Variants in CDH12 observed in about 807,000 individuals in gnomAD.
CDH12 encodes cadherin-12.
In CDH12, 41 loss-of-function variants were observed where a neutral mutation model predicts 74.1. The observed-to-expected ratio is 0.55, with a 90% confidence interval of 0.43 to 0.72. The LOEUF is 0.72. Ranked by LOEUF, CDH12 falls within the 30% of genes least tolerant of loss-of-function variation. CDH12 has a pLI of 0.00. For missense variants in CDH12, 945 were observed against 977.2 expected (o/e 0.97, Z 0.44); for synonymous variants, 399 against 355.0 (o/e 1.12, Z -1.39).
At chr5:22,793,190 G>A (rs775441465) in intron 1 of CDH12, among the ~76,000 whole-genome samples, 4 of 152,146 alleles carry the variant, frequency 2.6e-5, no homozygotes, top group Non-Finnish European at 5.9e-5. Flanking sequence ...TCCAACACAC[G>A]CTATTCCTAA....
At chr5:22,056,547 G>A (rs1260913080) in intron 5 of CDH12, among the ~76,000 whole-genome samples, 2 of 152,126 alleles carry the variant, frequency 1.3e-5, no homozygotes, top group African/African-American at 2.4e-5. Flanking sequence ...CTATGTCTTC[G>A]TTGAACATAG....
chr5:22,089,415 C>T (rs912901741), intron 4 of CDH12, among the ~76,000 whole-genome samples: 1 of 151,684 alleles, frequency 6.6e-6, no homozygotes, highest in East Asian at 1.9e-4. Flanking sequence ...ACTTGGCAAG[C>T]AAAAATGTCA....
intron 1 of CDH12, among the ~76,000 whole-genome samples, chr5:22,822,098 C>G (rs1749732500): frequency 6.6e-6 from 1 of 152,184 alleles, no homozygotes; most frequent in East Asian, 1.9e-4. Flanking sequence ...ACTATCTGAT[C>G]TTTGACAAAT....
Position 22,466,851 on chromosome 5 carries a change from C to T in CDH12, c.-428+38419G>A, listed in dbSNP as rs370553975. Among the ~76,000 whole-genome samples, 193 of 129,334 alleles carry T rather than the reference C, an allele frequency of 1.5e-3. 1 individual carries two copies. The highest frequency in any genetic ancestry group is 5.6e-3 in the African/African-American group (186 of 33,474). 84.8% of individuals were successfully genotyped at this position (129,334 alleles called of 152,430 possible). On this transcript the variant is annotated intron_variant, in intron 2 of 14. Transcript: ENST00000382254. ...GTCACCAGGCTGGAGTGCAATGGCG[C>T]AGTCTCGGCTCACTGCAACCTCTGC...
At chr5:21,833,520 G>GATATGTAATATATAAT (rs200475189) in intron 8 of CDH12, among the ~76,000 whole-genome samples, 11 of 117,208 alleles carry the variant, frequency 9.4e-5, no homozygotes, top group African/African-American at 3.5e-4. Flanking sequence ...TGGCATATGT[G>GATATGTAATATATAAT]ATATGTCATA....
chr5:22,724,409 A>G (rs1416115388), intron 1 of CDH12, among the ~76,000 whole-genome samples: 1 of 151,770 alleles, frequency 6.6e-6, no homozygotes, highest in Non-Finnish European at 1.5e-5. Context: ...CCGAGTCTCC[A>G]AAGTGCATTA....
chr5:21,974,381 C>T (rs1214635927), intron 6 of CDH12, among the ~76,000 whole-genome samples: 2 of 152,032 alleles, frequency 1.3e-5, no homozygotes, highest in Non-Finnish European at 2.9e-5. Context: ...ACTTACTGAC[C>T]TTATATCCTA....
intron 1 of CDH12, among the ~76,000 whole-genome samples, chr5:22,722,948 A>G (rs1265638963): frequency 6.6e-6 from 1 of 152,158 alleles, no homozygotes; most frequent in African/African-American, 2.4e-5. Flanking sequence ...TTTATGTAAA[A>G]TATCACCCTA....
intron 1 of CDH12, among the ~76,000 whole-genome samples, chr5:22,712,086 A>G (rs1185946729): frequency 6.6e-6 from 1 of 152,062 alleles, no homozygotes; most frequent in African/African-American, 2.4e-5. Context: ...AGTGTAGCAC[A>G]CACAGTAAAT....
At chr5:22,779,181 C>T (rs962403162) in intron 1 of CDH12, among the ~76,000 whole-genome samples, 5 of 151,454 alleles carry the variant, frequency 3.3e-5, no homozygotes, top group South Asian at 2.1e-4. Context: ...GCTGCTCCTT[C>T]GGCAATAGCA....
intron 1 of CDH12, among the ~76,000 whole-genome samples, chr5:22,754,711 G>C (rs1231610220): frequency 6.6e-6 from 1 of 152,052 alleles, no homozygotes; most frequent in Non-Finnish European, 1.5e-5. Context: ...TGTAATGAGT[G>C]GTAAGATTTT....
intron 3 of CDH12, among the ~76,000 whole-genome samples, chr5:22,262,622 T>C (rs1040745418): frequency 4.0e-5 from 6 of 151,170 alleles, no homozygotes; most frequent in Admixed American, 3.3e-4. Flanking sequence ...GTCATTTGGG[T>C]ATATACCCAG....
intron 6 of CDH12, among the ~76,000 whole-genome samples, chr5:21,892,994 T>C (rs924099211): frequency 7.9e-5 from 12 of 152,182 alleles, no homozygotes; most frequent in Non-Finnish European, 1.2e-4. Context: ...TTGCTCTTGA[T>C]AGAAGGATTT....
At chr5:21,878,128 G>T (rs771882676) in intron 6 of CDH12, among the ~76,000 whole-genome samples, 54 of 152,102 alleles carry the variant, frequency 3.6e-4, no homozygotes, top group African/African-American at 1.3e-3. Flanking sequence ...AATATTCCTA[G>T]CTAATAGAGA....
chr5:22,784,698 C>T (rs750729960), intron 1 of CDH12, among the ~76,000 whole-genome samples: 1 of 152,076 alleles, frequency 6.6e-6, no homozygotes, highest in Non-Finnish European at 1.5e-5. Flanking sequence ...TTATAAACTC[C>T]ATTATTGTAT....
chr5:22,052,651 A>G (rs1370218264), intron 5 of CDH12, among the ~76,000 whole-genome samples: 1 of 152,140 alleles, frequency 6.6e-6, no homozygotes, highest in Non-Finnish European at 1.5e-5. Context: ...AAATTGTATT[A>G]AAAACTTGTT....
intron 2 of CDH12, among the ~76,000 whole-genome samples, chr5:22,423,643 A>G (rs945361185): frequency 5.3e-5 from 8 of 152,298 alleles, no homozygotes; most frequent in Admixed American, 2.0e-4. Context: ...GTGAAATATC[A>G]TAGAGATTAT....
intron 2 of CDH12, among the ~76,000 whole-genome samples, chr5:22,470,861 C>A (rs916715392): frequency 2.0e-5 from 1 of 50,444 alleles, no homozygotes; most frequent in Non-Finnish European, 3.7e-5. Flanking sequence ...AAAACCTTAG[C>A]GCTTTTTTTT....
rs570661281 is a variant in CDH12 at position 21,765,176 on chromosome 5, A to T, written c.1394-77T>A. 12 of 1,222,922 alleles carry T rather than the reference A, an allele frequency of 9.8e-6. No individual in the cohort carries two copies. In the East Asian group the frequency reaches 3.1e-4, roughly 32 times the overall value. 75.8% of individuals were successfully genotyped at this position (1,222,922 alleles called of 1,614,324 possible). A position where few individuals can be genotyped will look rare whatever the true frequency, so the allele number is the denominator to read the frequency against. On this transcript the variant is annotated intron_variant, in intron 11 of 14. Coordinates refer to ENST00000382254, the MANE Select transcript of CDH12 (RefSeq NM_004061.5). ...TGCTTCTACAATAAATAGTATTTAC[A>T]TTTTTAAAAATCAGCCTTTATATAG... is the stretch of plus-strand genomic sequence containing the variant.
Sources: gnomAD v4.1 joint callset for allele counts (sites outside exome capture counted in the v4.1 genomes callset) on GRCh38, gnomAD v4.1.1 for gene constraint, MANE v1.5 for transcripts, NCBI Gene and HGNC (gene_info 2026-07-23, HGNC 2026-07-21) for gene names.